Variants in CHFR observed in about 807,000 individuals in gnomAD.
CHFR encodes the protein checkpoint with forkhead and ring finger domains.
CHFR carries 57 observed loss-of-function variants against 87.6 expected under a neutral mutation model. That is an observed-to-expected ratio of 0.65 (90% CI 0.53 to 0.81). CHFR has a LOEUF of 0.81. Among genes scored for constraint, CHFR ranks in the 30% least tolerant of loss-of-function variants. The pLI is 0.00. For synonymous variants in CHFR, 381 were observed against 359.2 expected, an observed-to-expected ratio of 1.06 and a Z score of -0.69; for missense variants, 797 against 865.8, an observed-to-expected ratio of 0.92 and a Z score of 1.00.
In CHFR at chr12:132,839,379, CCT is replaced by C. The variant is rs1299979347; in HGVS notation, c.*2173_*2174del. The C allele has an allele frequency of 1.9e-5, 3 of 156,696 alleles. No homozygotes were observed. The highest frequency in any genetic ancestry group is 2.8e-5 in the Non-Finnish European group (2 of 71,056). The allele number at this position is 156,696 out of a possible 1,614,324, so 9.7% of individuals were successfully genotyped here. The stretch of plus-strand genomic sequence containing the variant: ...ACCCCCGCACTAACTCAGGACCTCC[CCT>C]CTTGGCCTCACCCCTGCACAAACTT... On this transcript the variant is annotated 3_prime_UTR_variant, in exon 18 of 18. Transcript: ENST00000450056.
intron 6 of CHFR, among the ~76,000 whole-genome samples, chr12:132,863,297 C>CAG (rs369798831): frequency 3.5e-4 from 53 of 151,390 alleles, no homozygotes; most frequent in African/African-American, 1.3e-3. Context: ...CATCTGAGGT[C>CAG]AGGAGTTCGA....
chr12:132,843,234 G>A, intron 16 of CHFR, 151 bp from the exon 17 acceptor site: 1 of 721,478 alleles, frequency 1.4e-6, no homozygotes, highest in East Asian at 2.7e-5. Flanking sequence ...ACCGTTCTGA[G>A]ATTTCAGGAA....
rs116330402 is a variant in CHFR, at chr12:132,839,951, G to C, written c.*1603C>G. On this transcript the variant is annotated 3_prime_UTR_variant, in exon 18 of 18. Transcript: ENST00000450056. Reference sequence around the variant, plus strand: ...CTTAGCCTCGCCCCTGCACTAACTCGGGACCTCCCTGCTCAGCCTCGCCCC... The same window carrying C: ...CTTAGCCTCGCCCCTGCACTAACTCCGGACCTCCCTGCTCAGCCTCGCCCC... The C allele has an allele frequency of 2.0e-4, 31 of 158,200 alleles. No homozygotes were observed. The highest frequency in any genetic ancestry group is 9.1e-4 in the East Asian group (4 of 4,406). 9.8% of individuals were successfully genotyped at this position (158,200 alleles called of 1,614,324 possible). A position where few individuals can be genotyped will look rare whatever the true frequency, so the allele number is the denominator to read the frequency against.
intron 12 of CHFR, among the ~76,000 whole-genome samples, chr12:132,850,472 G>C (rs1465521678): frequency 6.6e-6 from 1 of 152,174 alleles, no homozygotes; most frequent in Non-Finnish European, 1.5e-5. Flanking sequence ...GCTGTTCTCT[G>C]TGGCTTCTCA....
intron 10 of CHFR, among the ~76,000 whole-genome samples, 174 bp downstream of exon 10, chr12:132,856,294 G>T (rs1951069043): frequency 1.3e-5 from 2 of 152,180 alleles, no homozygotes; most frequent in South Asian, 4.1e-4. Context: ...TCTCAGGGGA[G>T]GTGCTAATAC....
intron 15 of CHFR, 24 bp from the exon 16 acceptor site, chr12:132,844,158 C>T (rs1422506123): frequency 1.2e-5 from 12 of 977,792 alleles, no homozygotes; most frequent in African/African-American, 2.6e-5. Context: ...AGCCAGTTAC[C>T]CAGCAACACC....
chr12:132,841,741 G>A (rs1438260387), intron 17 of CHFR, 145 bp from the exon 18 acceptor site: 13 of 728,354 alleles, frequency 1.8e-5, no homozygotes, highest in Non-Finnish European at 3.2e-5. Flanking sequence ...GAGTGTGTGT[G>A]CTTCTCACAA....
chr12:132,855,965 T>C (rs1951059831), intron 10 of CHFR, among the ~76,000 whole-genome samples: 1 of 152,210 alleles, frequency 6.6e-6, no homozygotes, highest in African/African-American at 2.4e-5. Flanking sequence ...ATAAGGTCTC[T>C]GAGGCTGGGA....
intron 2 of CHFR, among the ~76,000 whole-genome samples, chr12:132,886,920 G>C (rs1206267445): frequency 6.6e-6 from 1 of 152,166 alleles, no homozygotes; most frequent in South Asian, 2.1e-4. Context: ...ATTACAGTCA[G>C]AAAAGATACT....
At chr12:132,881,804 G>A (rs1951775421) in intron 2 of CHFR, among the ~76,000 whole-genome samples, 2 of 150,340 alleles carry the variant, frequency 1.3e-5, no homozygotes, top group African/African-American at 4.9e-5. Context: ...GGAGGCGGAG[G>A]TTGCAGTGAG....
chr12:132,867,584 G>A (rs996048508), intron 6 of CHFR: 4 of 152,224 alleles, frequency 2.6e-5, no homozygotes, highest in African/African-American at 9.7e-5. Context: ...AGGCCCTGGT[G>A]ACCTCAGGAG....
intron 17 of CHFR, among the ~76,000 whole-genome samples, 198 bp from the exon 18 acceptor site, chr12:132,841,794 T>G (rs1437271723): frequency 6.6e-6 from 1 of 152,174 alleles, no homozygotes; most frequent in African/African-American, 2.4e-5. Flanking sequence ...CTTTATCCCT[T>G]TAAAAATTTT....
At chr12:132,874,255 T>C (rs1175933965) in intron 3 of CHFR, among the ~76,000 whole-genome samples, 1 of 152,244 alleles carries the variant, frequency 6.6e-6, no homozygotes, top group South Asian at 2.1e-4. Context: ...ACCACCACCA[T>C]GCAGTCAGCA....
chr12:132,870,977 T>G (rs1196402078), intron 4 of CHFR, among the ~76,000 whole-genome samples, 194 bp from the exon 5 acceptor site: 1 of 152,116 alleles, frequency 6.6e-6, no homozygotes, highest in Non-Finnish European at 1.5e-5. Flanking sequence ...GAAATAAGCC[T>G]CGGGAAAAAA....
intron 2 of CHFR, among the ~76,000 whole-genome samples, chr12:132,877,859 G>A (rs897289547): frequency 3.6e-4 from 55 of 151,880 alleles, no homozygotes; most frequent in Non-Finnish European, 6.2e-4. Flanking sequence ...CTGGAGTGCA[G>A]TGGCACCATC....
chr12:132,850,704 C>G (rs767607801), intron 12 of CHFR, among the ~76,000 whole-genome samples: 8 of 152,228 alleles, frequency 5.3e-5, no homozygotes, highest in Non-Finnish European at 1.2e-4. Flanking sequence ...CCAGACAGAA[C>G]CAGTGCTGTG....
chr12:132,864,298 G>A (rs1837683715), intron 6 of CHFR, among the ~76,000 whole-genome samples: 1 of 152,084 alleles, frequency 6.6e-6, no homozygotes, highest in South Asian at 2.1e-4. Context: ...CCCCCAGCCG[G>A]CACCCACTCA....
At position 132,841,171 on chromosome 12, in the gene CHFR, T is replaced by C. The variant is rs1163079471; in HGVS notation, c.*383A>G. 1 of 189,402 alleles carries C rather than the reference T, an allele frequency of 5.3e-6. No homozygotes were observed. Among genetic ancestry groups the C allele is most frequent in the Non-Finnish European group, 1.1e-5 (1 of 91,424 alleles). The allele number at this position is 189,402 out of a possible 1,614,324, so 11.7% of individuals were successfully genotyped here. A position where few individuals can be genotyped will look rare whatever the true frequency, so the allele number is the denominator to read the frequency against. ...CCTTCTCCTGAAACAATGTTTTTGA[T>C]AAACTTGCCCTTCTCCCTTGAAACT... is the stretch of plus-strand genomic sequence containing the variant. On this transcript the variant is annotated 3_prime_UTR_variant, in exon 18 of 18. Transcript: ENST00000450056.
In CHFR at chr12:132,833,103, C is replaced by G. The variant is rs1950626992; in HGVS notation, c.*8451G>C. 1 of 152,242 alleles carries G rather than the reference C, an allele frequency of 6.6e-6. No individual in the cohort carries two copies. Among genetic ancestry groups the G allele is most frequent in the Admixed American group, 6.5e-5 (1 of 15,288 alleles). 9.4% of individuals were successfully genotyped at this position (152,242 alleles called of 1,614,324 possible). A position where few individuals can be genotyped will look rare whatever the true frequency, so the allele number is the denominator to read the frequency against. On this transcript the variant is annotated 3_prime_UTR_variant, in exon 18 of 18. Coordinates refer to ENST00000450056, the MANE Select transcript of CHFR (RefSeq NM_001161346.2). ...CGATACTCCAGTGTCTGGATACACC[C>G]ATTTTGTCTGTCCATGCATCAGCTG...
Sources: allele counts gnomAD v4.1 joint callset (sites outside exome capture counted in the v4.1 genomes callset), GRCh38; gene constraint gnomAD v4.1.1; transcripts MANE v1.5; gene names NCBI Gene and HGNC (gene_info 2026-07-23, HGNC 2026-07-21).